MMAB: variants seen among roughly 807,000 people sequenced by gnomAD.
The protein encoded by MMAB is metabolism of cobalamin associated B.
In MMAB, 17 loss-of-function variants were observed where a neutral mutation model predicts 30.6. The observed-to-expected ratio is 0.56, with a 90% CI of 0.38 to 0.83. MMAB has a LOEUF of 0.83. Among genes scored for constraint, MMAB ranks in the 40% least tolerant of loss-of-function variants. The pLI, the probability that MMAB is intolerant of heterozygous loss-of-function variation, is 0.00. For synonymous variants in MMAB, 134 were observed against 138.6 expected (o/e 0.97, Z 0.23); for missense variants, 311 against 331.6 (o/e 0.94, Z 0.48).
chr12:109,573,405 T>C lies in MMAB; in HGVS notation c.76A>G (p.Arg26Gly), dbSNP rs1255926992. The C allele has an allele frequency of 1.9e-6, 3 of 1,610,910 alleles. No homozygotes were observed. Among genetic ancestry groups the C allele is most frequent in the African/African-American group, 1.3e-5 (1 of 74,862 alleles). ...CTCTGGAAACGGGGATACAGGAGCCTGGCGGCGCCGAAGCACCCGCGCAGG... is the reference window on the plus strand; with the variant it reads ...CTCTGGAAACGGGGATACAGGAGCCCGGCGGCGCCGAAGCACCCGCGCAGG... ...LGLRGCFGAA[R>G]LLYPRFQSRG... The change falls in exon 1 of 9, where the codon AGG becomes GGG. Residue 26 changes from arginine (R) to glycine (G), a missense_variant. By Grantham distance (125) the Arg-to-Gly change is moderately radical. Coordinates refer to ENST00000545712, the MANE Select transcript of MMAB (RefSeq NM_052845.4).
rs1206361856 is a variant in MMAB, at chr12:109,573,460, C to A, written c.21G>T (p.Gly7=). The A allele has an allele frequency of 1.9e-6, 3 of 1,606,274 alleles. No individual in the cohort carries two copies. The highest frequency in any genetic ancestry group is 2.5e-6 in the Non-Finnish European group (3 of 1,178,822). ...GACGGCTCCCCAGGCCAAGACGGCTCCCCAGGCCGCACACAGCCATGAGCC... is the reference window on the plus strand; with the variant it reads ...GACGGCTCCCCAGGCCAAGACGGCTACCCAGGCCGCACACAGCCATGAGCC... MAVCGL[G]SRLGLGSRLG... is the part of the protein sequence containing the mutation. Residue 7 remains glycine (G), a synonymous_variant, in exon 1 of 9, where the codon GGG becomes GGT. Coordinates refer to ENST00000545712, the MANE Select transcript of MMAB (RefSeq NM_052845.4).
At chr12:109,557,397 C>T (rs547426146) in intron 8 of MMAB, among the ~76,000 whole-genome samples, 2 of 152,320 alleles carry the variant, frequency 1.3e-5, no homozygotes, top group Non-Finnish European at 2.9e-5. Flanking sequence ...GGCCCTACCC[C>T]ATGGGGCAGA....
In MMAB at chr12:109,556,518, C is replaced by T. The variant is rs1282468699; in HGVS notation, c.*510G>A. ...GGTGACTAAACTTCCAAATCTTGTC[C>T]GCCTTCCCCTTTACAAATGTGACAT... On this transcript the variant is annotated 3_prime_UTR_variant, in exon 9 of 9. Transcript: ENST00000545712. 5 of 453,910 alleles carry T rather than the reference C, an allele frequency of 1.1e-5. No individual in the cohort carries two copies. The highest frequency in any genetic ancestry group is 6.8e-4 in the Middle Eastern group (1 of 1,466). 28.1% of individuals were successfully genotyped at this position (453,910 alleles called of 1,614,324 possible).
At chr12:109,568,990 G>A in intron 2 of MMAB, 127 bp from the exon 3 acceptor site, 1 of 756,712 alleles carries the variant, frequency 1.3e-6, no homozygotes, top group South Asian at 1.5e-5. Context: ...CTGTCATCCA[G>A]GCTGGAGTAC....
intron 2 of MMAB, chr12:109,570,117 G>T: frequency 3.1e-6 from 1 of 327,120 alleles, no homozygotes; most frequent in Non-Finnish European, 6.2e-6. Context: ...GAAAAAATTA[G>T]TTGGGCATGG....
At chr12:109,571,731 G>C in intron 1 of MMAB, 21 bp from the exon 2 acceptor site, 3 of 1,610,702 alleles carry the variant, frequency 1.9e-6, no homozygotes, top group Non-Finnish European at 2.5e-6. Flanking sequence ...ATAAACATCA[G>C]TATCTGGTGA....
rs1390192877 is a variant in MMAB, at chr12:109,556,614, GAAC to G, written c.*411_*413del. 3 of 455,274 alleles carry G rather than the reference GAAC, an allele frequency of 6.6e-6. No individual in the cohort carries two copies. Among genetic ancestry groups the G allele is most frequent in the Non-Finnish European group, 1.3e-5 (3 of 228,630 alleles). The allele number at this position is 455,274 out of a possible 1,614,324, so 28.2% of individuals were successfully genotyped here. On this transcript the variant is annotated 3_prime_UTR_variant, in exon 9 of 9. Coordinates refer to ENST00000545712, the MANE Select transcript of MMAB (RefSeq NM_052845.4). ...GCCTCTGGTCCCATTCCAAATCTGT[GAAC>G]AACCTGAGCTGGCAGTGGGAGGGCT...
chr12:109,561,950 G>T lies in MMAB; in HGVS notation c.349-98C>A. The T allele has an allele frequency of 9.6e-7, 1 of 1,040,314 alleles. No individual in the cohort carries two copies. The highest frequency in any genetic ancestry group is 1.5e-6 in the Non-Finnish European group (1 of 688,138). The allele number at this position is 1,040,314 out of a possible 1,614,324, so 64.4% of individuals were successfully genotyped here. ...CACCTAATACGCCGGCAAAGCCTGT[G>T]CCAGCTAGCTCATGAAGGGCTGTGA... On this transcript the variant is annotated intron_variant, in intron 4 of 8. Transcript: ENST00000545712. The surrounding 1 kb of genome is among the most constrained non-coding windows in gnomAD (Gnocchi z 5.3).
chr12:109,565,210 A>C (rs758421892), intron 3 of MMAB, 34 bp from the exon 4 acceptor site: 1 of 1,545,324 alleles, frequency 6.5e-7, no homozygotes, highest in South Asian at 1.1e-5. Context: ...TTTGCCTGTA[A>C]TGTAATGTCC....
intron 3 of MMAB, among the ~76,000 whole-genome samples, chr12:109,565,492 T>C (rs115089265): frequency 6.6e-4 from 100 of 152,242 alleles, no homozygotes; most frequent in African/African-American, 2.3e-3. Context: ...GGTGACAGGG[T>C]GAGCAGTGAC....
rs534421486 is a variant in MMAB at position 109,556,164 on chromosome 12, G to A, written c.*864C>T. 2.7e-4 allele frequency: 124 copies of A among 453,722 alleles called. 2 individuals are homozygous for A. Among genetic ancestry groups the A allele is most frequent in the South Asian group, 1.8e-3 (115 of 64,464 alleles). The allele number at this position is 453,722 out of a possible 1,614,324, so 28.1% of individuals were successfully genotyped here. ...AGTGACAACTGAAATAAATACAGCC[G>A]TGGCACCGATCTCAGAGGCATAAGC... On this transcript the variant is annotated 3_prime_UTR_variant, in exon 9 of 9. Transcript: ENST00000545712.
In MMAB at chr12:109,573,438, G is replaced by A. The variant is rs921232728; in HGVS notation, c.43C>T (p.Arg15Cys). 3 of 1,606,930 alleles carry A rather than the reference G, an allele frequency of 1.9e-6. No individual in the cohort carries two copies. The highest frequency in any genetic ancestry group is 1.1e-5 in the South Asian group (1 of 90,402). The change falls in exon 1 of 9, where the codon CGT becomes TGT. Residue 15 changes from arginine to cysteine, a missense_variant. Physicochemically the swap from Arg to Cys is radical, Grantham distance 180. Transcript: ENST00000545712. Reference protein sequence around the residue: ...GLGSRLGLGSRLGLRGCFGAA... With the variant: ...GLGSRLGLGSCLGLRGCFGAA... ...CCGAAGCACCCGCGCAGGCCAAGAC[G>A]GCTCCCCAGGCCAAGACGGCTCCCC...
chr12:109,559,009 A>G (rs1884090783), intron 8 of MMAB, 87 bp downstream of exon 8: 4 of 989,046 alleles, frequency 4.0e-6, no homozygotes, highest in South Asian at 3.9e-5. Context: ...GCTGCCCCAC[A>G]CTGCTTCCCG....
intron 3 of MMAB, among the ~76,000 whole-genome samples, chr12:109,566,337 G>A (rs1884427080): frequency 6.6e-6 from 1 of 152,248 alleles, no homozygotes; most frequent in Admixed American, 6.5e-5. Flanking sequence ...GGATTTGAAA[G>A]GGCCAATGGA....
In MMAB at chr12:109,561,584, C is replaced by T. The variant is rs898690178; in HGVS notation, c.422-67G>A. On this transcript the variant is annotated intron_variant, in intron 5 of 8. Transcript: ENST00000545712. This position sits in a 1 kb window ranked among gnomAD's most constrained non-coding sequence, Gnocchi z 5.3. ...ACCCACCAGACCATGGCGGGAACCA[C>T]CCCCGCCGCCCTTCCACCTGGGTGT... 2.2e-6 allele frequency: 3 copies of T among 1,374,014 alleles called. No individual in the cohort carries two copies. The highest frequency in any genetic ancestry group is 3.0e-6 in the Non-Finnish European group (3 of 995,516). 85.1% of individuals were successfully genotyped at this position (1,374,014 alleles called of 1,614,324 possible). A position where few individuals can be genotyped will look rare whatever the true frequency, so the allele number is the denominator to read the frequency against.
At chr12:109,570,415 A>T (rs1884591790) in intron 2 of MMAB, among the ~76,000 whole-genome samples, 1 of 152,250 alleles carries the variant, frequency 6.6e-6, no homozygotes, top group South Asian at 2.1e-4. Flanking sequence ...TTGTGGTAAC[A>T]GATGATACAT....
At chr12:109,562,997 G>A (rs1211218270) in intron 4 of MMAB, among the ~76,000 whole-genome samples, 3 of 152,206 alleles carry the variant, frequency 2.0e-5, no homozygotes. Context: ...TGCGACTTCT[G>A]ACCTCTCCTA....
Position 109,555,432 on chromosome 12 carries a change from G to A in MMAB, c.*1596C>T, listed in dbSNP as rs750353088. 28 of 403,308 alleles carry A rather than the reference G, an allele frequency of 6.9e-5. No individual in the cohort carries two copies. The highest frequency in any genetic ancestry group is 8.6e-4 in the Middle Eastern group (1 of 1,162). The allele number at this position is 403,308 out of a possible 1,614,324, so 25.0% of individuals were successfully genotyped here. A position where few individuals can be genotyped will look rare whatever the true frequency, so the allele number is the denominator to read the frequency against. On this transcript the variant is annotated 3_prime_UTR_variant, in exon 9 of 9. Transcript: ENST00000545712. ...TGAATAGCTGGGATTACAGGCACCC[G>A]CCACCATGCCCAGCTAATTTTTTTT...
At position 109,561,646 on chromosome 12, in the gene MMAB, C is replaced by T. The variant is rs1233288091; in HGVS notation, c.422-129G>A. 1 of 1,209,014 alleles carries T rather than the reference C, an allele frequency of 8.3e-7. No individual in the cohort carries two copies. Among genetic ancestry groups the T allele is most frequent in the Non-Finnish European group, 1.2e-6 (1 of 842,436 alleles). The allele number at this position is 1,209,014 out of a possible 1,614,324, so 74.9% of individuals were successfully genotyped here. On this transcript the variant is annotated intron_variant, in intron 5 of 8. Transcript: ENST00000545712. This position sits in a 1 kb window ranked among gnomAD's most constrained non-coding sequence, Gnocchi z 5.3. ...CTTCCACTGGCTCAGAAGGTACCTT[C>T]CCTCCCAGGAGCTACGAGCAAGGCT...
Sources: gnomAD v4.1 joint callset for allele counts (sites outside exome capture counted in the v4.1 genomes callset) on GRCh38, gnomAD v4.1.1 for gene constraint, Gnocchi (gnomAD v3.1) non-coding constraint, MANE v1.5 for transcripts, NCBI Gene and HGNC (gene_info 2026-07-23, HGNC 2026-07-21) for gene names.